The following PRKCE variants were observed in gnomAD, a reference collection of about 807,000 sequenced individuals.
The protein encoded by PRKCE is protein kinase C epsilon type.
PRKCE carries 16 observed loss-of-function variants against 85.4 expected under a neutral mutation model. That is an observed-to-expected ratio of 0.19 (90% CI 0.13 to 0.28). The LOEUF is 0.28. Among genes scored for constraint, PRKCE ranks in the 10% least tolerant of loss-of-function variants. The pLI is 1.00. For missense variants in PRKCE, 573 were observed against 975.2 expected (o/e 0.59, Z 5.49); for synonymous variants, 388 against 371.5 (o/e 1.04, Z -0.51).
At chr2:45,657,208 G>C (rs910459423) in intron 1 of PRKCE, among the ~76,000 whole-genome samples, 1 of 152,204 alleles carries the variant, frequency 6.6e-6, no homozygotes, top group African/African-American at 2.4e-5. Context: ...CTGTAGAAGA[G>C]GCAGGCACTC....
chr2:45,937,910 C>T (rs1573948600), intron 2 of PRKCE, among the ~76,000 whole-genome samples: 1 of 152,262 alleles, frequency 6.6e-6, no homozygotes, highest in East Asian at 1.9e-4. Flanking sequence ...TCAGCAATGA[C>T]TGTGGGGATC....
intron 2 of PRKCE, among the ~76,000 whole-genome samples, chr2:45,922,755 G>A (rs935691914): frequency 6.6e-6 from 1 of 152,162 alleles, no homozygotes; most frequent in Admixed American, 6.5e-5. Context: ...GCTTTTGGTT[G>A]CCTGGAGATT....
chr2:45,662,620 C>G (rs986463968), intron 1 of PRKCE, among the ~76,000 whole-genome samples: 2 of 151,686 alleles, frequency 1.3e-5, no homozygotes, highest in Admixed American at 1.3e-4. Context: ...ACCTTCGCAC[C>G]TGATAATAGT....
At chr2:45,758,339 T>G (rs1485514234) in intron 1 of PRKCE, among the ~76,000 whole-genome samples, 2 of 152,252 alleles carry the variant, frequency 1.3e-5, no homozygotes, top group Non-Finnish European at 2.9e-5. Context: ...TTAATAAATG[T>G]TATTGCTACT....
chr2:46,175,908 G>T (rs1042922228), intron 14 of PRKCE, among the ~76,000 whole-genome samples: 21 of 151,942 alleles, frequency 1.4e-4, no homozygotes, highest in African/African-American at 5.1e-4. Context: ...AAAGAAGAAA[G>T]AAAGAGACCC....
intron 2 of PRKCE, among the ~76,000 whole-genome samples, chr2:45,873,721 C>A (rs79610626): frequency 0.012 from 1,903 of 152,344 alleles, 49 homozygotes; most frequent in African/African-American, 0.043. Flanking sequence ...CTCCCATGTT[C>A]CAGGAGACAG....
intron 1 of PRKCE, among the ~76,000 whole-genome samples, chr2:45,806,545 T>A (rs1280786511): frequency 6.6e-6 from 1 of 152,222 alleles, no homozygotes; most frequent in Non-Finnish European, 1.5e-5. Context: ...ACTCTTTTCA[T>A]CTTGTAGAAC....
intron 1 of PRKCE, among the ~76,000 whole-genome samples, chr2:45,825,097 G>A (rs1184825330): frequency 6.6e-6 from 1 of 152,140 alleles, no homozygotes; most frequent in African/African-American, 2.4e-5. Context: ...TTTTCCTCCG[G>A]GGATGAATGT....
chr2:46,097,402 C>G (rs2104022374), intron 11 of PRKCE, among the ~76,000 whole-genome samples: 1 of 152,114 alleles, frequency 6.6e-6, no homozygotes, highest in African/African-American at 2.4e-5. Context: ...CGTCTGTAGT[C>G]CCAGCTACTC....
chr2:45,779,468 TG>T (rs1265567304), intron 1 of PRKCE, among the ~76,000 whole-genome samples: 1 of 152,084 alleles, frequency 6.6e-6, no homozygotes, highest in Admixed American at 6.5e-5. Flanking sequence ...TTGAGGGGTC[TG>T]GGATACAGAG....
intron 10 of PRKCE, among the ~76,000 whole-genome samples, chr2:46,065,844 A>T (rs1375466888): frequency 1.3e-5 from 2 of 152,174 alleles, no homozygotes; most frequent in Non-Finnish European, 2.9e-5. Context: ...TAAAAAATAG[A>T]ATGGATCAGT....
chr2:45,863,213 T>A (rs1300802710), intron 2 of PRKCE, among the ~76,000 whole-genome samples: 1 of 152,136 alleles, frequency 6.6e-6, no homozygotes, highest in South Asian at 2.1e-4. Flanking sequence ...GGGTCTAGGA[T>A]ACTTTGGTAG....
At chr2:45,723,128 C>T (rs376514532) in intron 1 of PRKCE, among the ~76,000 whole-genome samples, 1 of 152,078 alleles carries the variant, frequency 6.6e-6, no homozygotes, top group African/African-American at 2.4e-5. Context: ...GATAAGTTAA[C>T]AGTGTATTTG....
chr2:46,063,655 CCAGGG>C (rs935747060), intron 10 of PRKCE, among the ~76,000 whole-genome samples: 3 of 152,014 alleles, frequency 2.0e-5, no homozygotes, highest in Non-Finnish European at 4.4e-5. Context: ...AAGCATGCTC[CCAGGG>C]CAGAGAATTC....
chr2:46,160,364 G>A (rs1164225700), intron 14 of PRKCE, among the ~76,000 whole-genome samples: 1 of 152,226 alleles, frequency 6.6e-6, no homozygotes, highest in Non-Finnish European at 1.5e-5. Flanking sequence ...GTAACACAGG[G>A]CAGTTGAAGC....
At chr2:46,108,766 A>G (rs952425615) in intron 11 of PRKCE, among the ~76,000 whole-genome samples, 1 of 152,222 alleles carries the variant, frequency 6.6e-6, no homozygotes, top group African/African-American at 2.4e-5. Context: ...CAAAAACCTC[A>G]TCACCAAACC....
At chr2:45,820,315 G>A (rs1013094000) in intron 1 of PRKCE, among the ~76,000 whole-genome samples, 16 of 152,094 alleles carry the variant, frequency 1.1e-4, no homozygotes, top group African/African-American at 3.9e-4. Context: ...AGAAGGATAC[G>A]GGTGTGGACC....
Position 45,761,326 on chromosome 2 carries a change from CAAAAAAAA to C in PRKCE, c.349-81657_349-81650del, listed in dbSNP as rs370710295. On this transcript the variant is annotated intron_variant, in intron 1 of 14. Transcript: ENST00000306156. ...TGGGCGACAGAGCGAGACTCCATCT[CAAAAAAAA>C]AAAAAAAAAAAAAAAATCTAAGTAC... Among the ~76,000 whole-genome samples, 48 of 82,258 alleles carry C rather than the reference CAAAAAAAA, an allele frequency of 5.8e-4. 1 individual carries two copies. In the East Asian group the frequency reaches 0.017, roughly 29 times the overall value. The allele number at this position is 82,258 out of a possible 152,430, so 54.0% of individuals were successfully genotyped here. A position where few individuals can be genotyped will look rare whatever the true frequency, so the allele number is the denominator to read the frequency against.
At chr2:45,794,300 A>C (rs1687251510) in intron 1 of PRKCE, among the ~76,000 whole-genome samples, 1 of 152,152 alleles carries the variant, frequency 6.6e-6, no homozygotes, top group African/African-American at 2.4e-5. Flanking sequence ...CTCTTATGTC[A>C]GAGTAAATGG....
Sources: gnomAD v4.1 joint callset for allele counts (sites outside exome capture counted in the v4.1 genomes callset) on GRCh38, gnomAD v4.1.1 for gene constraint, MANE v1.5 for transcripts, NCBI Gene and HGNC (gene_info 2026-07-23, HGNC 2026-07-21) for gene names.